AHI1: variants seen among roughly 807,000 people sequenced by gnomAD.
AHI1 encodes Abelson helper integration site 1, also known as jouberin.
A neutral mutation model predicts 149.3 loss-of-function variants in AHI1; 123 were observed. That is an observed-to-expected ratio of 0.82 (90% CI 0.71 to 0.96). The LOEUF is 0.96. AHI1 is among the 40% of genes least tolerant of loss of function. AHI1 has a pLI of 0.00. For missense variants in AHI1, 1,439 were observed against 1,422.7 expected (o/e 1.01, Z -0.18); for synonymous variants, 475 against 459.8 (o/e 1.03, Z -0.42).
chr6:135,324,902 C>T (rs1266485994), intron 24 of AHI1, among the ~76,000 whole-genome samples: 1 of 152,144 alleles, frequency 6.6e-6, no homozygotes, highest in Admixed American at 6.5e-5. Flanking sequence ...ACTGCTGTCA[C>T]CATATAAGGG....
chr6:135,370,158 G>A (rs1774809012), intron 23 of AHI1, among the ~76,000 whole-genome samples: 2 of 152,158 alleles, frequency 1.3e-5, no homozygotes, highest in South Asian at 2.1e-4. Flanking sequence ...CCTCAGAAAA[G>A]GCTCACCATT....
chr6:135,369,546 A>G (rs1774719649), intron 23 of AHI1, among the ~76,000 whole-genome samples: 1 of 152,144 alleles, frequency 6.6e-6, no homozygotes. Flanking sequence ...GAAAACTACT[A>G]GCCCATTATT....
chr6:135,402,043 GA>G (rs1185332755), intron 22 of AHI1, among the ~76,000 whole-genome samples: 1 of 151,518 alleles, frequency 6.6e-6, no homozygotes, highest in Non-Finnish European at 1.5e-5. Flanking sequence ...CATTTCTCCA[GA>G]AAAAAAAGTA....
At chr6:135,415,191 A>G (rs542993205) in intron 20 of AHI1, among the ~76,000 whole-genome samples, 48 of 151,722 alleles carry the variant, frequency 3.2e-4, no homozygotes, top group Middle Eastern at 3.4e-3. Context: ...TATGTGCCAC[A>G]TTTTCTTAAT....
At chr6:135,448,234 T>C (rs1354037845) in intron 12 of AHI1, 56 bp downstream of exon 12, 4 of 1,235,576 alleles carry the variant, frequency 3.2e-6, no homozygotes, top group Non-Finnish European at 4.3e-6. Flanking sequence ...ACATGCTATG[T>C]CACCATTTAA....
intron 13 of AHI1, among the ~76,000 whole-genome samples, chr6:135,445,949 C>T (rs574326553): frequency 4.0e-5 from 6 of 151,562 alleles, no homozygotes; most frequent in African/African-American, 1.2e-4. Context: ...CCAGCTACTC[C>T]GGAGGCTGAG....
chr6:135,388,944 G>A (rs1481483817), intron 23 of AHI1, among the ~76,000 whole-genome samples: 1 of 151,546 alleles, frequency 6.6e-6, no homozygotes, highest in African/African-American at 2.4e-5. Context: ...TCTGAGAGGC[G>A]GAGGTTACAG....
chr6:135,471,839 C>T (rs1357793850), intron 5 of AHI1, among the ~76,000 whole-genome samples: 6 of 150,836 alleles, frequency 4.0e-5, no homozygotes, highest in Admixed American at 6.6e-5. Context: ...GGTGAAACCC[C>T]GTCTCTACTA....
Position 135,457,520 on chromosome 6 carries a change from A to T in AHI1, c.1125T>A (p.Thr375=), listed in dbSNP as rs776909970. The T allele has an allele frequency of 1.2e-6, 2 of 1,613,630 alleles. No homozygotes were observed. The highest frequency in any genetic ancestry group is 8.5e-7 in the Non-Finnish European group (1 of 1,179,724). Residue 375 remains threonine (T), a synonymous_variant, in exon 9 of 29, where the codon ACT becomes ACA. Transcript: ENST00000265602. ...TATCATCTTTCTTGACATATTGACC[A>T]GTATGCTCATCAACCACATGAATTT... ...MVKIHVVDEH[T]GQYVKKDDSG... is the part of the protein sequence containing the mutation.
intron 20 of AHI1, among the ~76,000 whole-genome samples, chr6:135,412,740 G>T (rs941489575): frequency 2.1e-4 from 32 of 152,218 alleles, no homozygotes; most frequent in South Asian, 1.0e-3. Flanking sequence ...TATTTCCTTA[G>T]TTACATAATC....
At chr6:135,462,987 T>C (rs1790159631) in intron 8 of AHI1, 138 bp downstream of exon 8, 1 of 635,942 alleles carries the variant, frequency 1.6e-6, no homozygotes, top group Non-Finnish European at 2.6e-6. Context: ...TTAATCTAGA[T>C]GAATTCAAGA....
At chr6:135,431,585 C>CCT (rs1784667412) in intron 16 of AHI1, among the ~76,000 whole-genome samples, 1 of 152,024 alleles carries the variant, frequency 6.6e-6, no homozygotes, top group Non-Finnish European at 1.5e-5. Context: ...AAGAAATGAG[C>CCT]CTCTCAGTAC....
Position 135,394,916 on chromosome 6 carries a change from C to A in AHI1, c.2989-20G>T. The A allele has an allele frequency of 6.3e-7, 1 of 1,579,430 alleles. No homozygotes were observed. The highest frequency in any genetic ancestry group is 8.6e-7 in the Non-Finnish European group (1 of 1,160,828). On this transcript the variant is annotated intron_variant, in intron 22 of 28. Transcript: ENST00000265602. Reference sequence around the variant, plus strand: ...GTTGACCTGTATTAGGAAAACAAATCAGAAACTACAGTGTAATTTCCTGGA... The same window carrying A: ...GTTGACCTGTATTAGGAAAACAAATAAGAAACTACAGTGTAATTTCCTGGA...
chr6:135,394,297 C>G (rs1384360146), intron 23 of AHI1, among the ~76,000 whole-genome samples: 1 of 151,996 alleles, frequency 6.6e-6, no homozygotes, highest in Admixed American at 6.6e-5. Flanking sequence ...TTGTATAGTT[C>G]ACTTCAGTGA....
chr6:135,351,883 T>C (rs1408262928), intron 24 of AHI1, among the ~76,000 whole-genome samples: 1 of 152,202 alleles, frequency 6.6e-6, no homozygotes, highest in African/African-American at 2.4e-5. Flanking sequence ...ATGGGGCCTT[T>C]GGATATCCAT....
chr6:135,380,884 A>G (rs1464044489), intron 23 of AHI1, among the ~76,000 whole-genome samples: 1 of 152,080 alleles, frequency 6.6e-6, no homozygotes, highest in Non-Finnish European at 1.5e-5. Context: ...GAGACATTTT[A>G]AGTTCTAGGG....
At chr6:135,387,472 T>C (rs115505247) in intron 23 of AHI1, among the ~76,000 whole-genome samples, 1 of 152,324 alleles carries the variant, frequency 6.6e-6, no homozygotes, top group African/African-American at 2.4e-5. Flanking sequence ...GTTATCTCAT[T>C]ACATGCCAAA....
Position 135,389,235 on chromosome 6 carries a change from C to T in AHI1, c.3109+5541G>A, listed in dbSNP as rs554915262. Among the ~76,000 whole-genome samples the T allele has an allele frequency of 4.0e-5, 6 of 148,926 alleles. No homozygotes were observed. The South Asian group carries it at 8.5e-4, about 21-fold the overall frequency. ...CTGAGGCAGGAGAATGGAGTGAACC[C>T]GGGAGGCAGAGCTTGCAGTGAGCCG... is the stretch of plus-strand genomic sequence containing the variant. On this transcript the variant is annotated intron_variant, in intron 23 of 28. Coordinates refer to ENST00000265602, the MANE Select transcript of AHI1 (RefSeq NM_001134831.2).
rs200121168 is a variant in AHI1 at position 135,289,511 on chromosome 6, A to C, written c.3588+912T>G. 8.1e-4 allele frequency among the ~76,000 whole-genome samples: 123 copies of C among 151,850 alleles called. 1 individual carries two copies. Among genetic ancestry groups the C allele is most frequent in the Middle Eastern group, 3.4e-3 (1 of 294 alleles). ...CGTCTCAAAACAACAACAACAACAA[A>C]AAAAAGAGTATTACTCTTCCATGGG... On this transcript the variant is annotated intron_variant, in intron 28 of 28. Transcript: ENST00000265602.
Sources: gnomAD v4.1 joint callset for allele counts (sites outside exome capture counted in the v4.1 genomes callset) on GRCh38, gnomAD v4.1.1 for gene constraint, MANE v1.5 for transcripts, NCBI Gene and HGNC (gene_info 2026-07-23, HGNC 2026-07-21) for gene names.